Variants in GLRA2 observed in about 807,000 individuals in gnomAD.
GLRA2 encodes the protein glycine receptor subunit alpha-2.
A neutral mutation model predicts 31.6 loss-of-function variants in GLRA2; 11 were observed. The observed-to-expected ratio is 0.35, with a 90% CI of 0.22 to 0.58. The LOEUF is 0.58. Among genes scored for constraint, GLRA2 ranks in the 20% least tolerant of loss-of-function variants. GLRA2 has a pLI of 0.84. For synonymous variants in GLRA2, 132 were observed against 134.0 expected, an observed-to-expected ratio of 0.99 and a Z score of 0.10; for missense variants, 212 against 351.8, an observed-to-expected ratio of 0.60 and a Z score of 3.18.
At chrX:14,494,018 A>G in the GLRA2 span, among the ~76,000 whole-genome samples, 2 of 110,869 alleles carry the variant, frequency 1.8e-5, no homozygotes, top group Non-Finnish European at 1.9e-5. Flanking sequence ...CTGCAACTAC[A>G]CACAATAATA....
At chrX:14,558,189 T>C (rs1245407590) in intron 2 of GLRA2, among the ~76,000 whole-genome samples, 1 of 112,151 alleles carries the variant, frequency 8.9e-6, no homozygotes, top group Non-Finnish European at 1.9e-5. Flanking sequence ...CACAGGCATA[T>C]TTTTACAATC....
chrX:14,509,759 G>T, the GLRA2 span, among the ~76,000 whole-genome samples: 1 of 112,507 alleles, frequency 8.9e-6, no homozygotes, highest in Non-Finnish European at 1.9e-5. Context: ...TGGATTAGAT[G>T]CTATGAGAAG....
At chrX:14,453,825 T>C in the GLRA2 span, among the ~76,000 whole-genome samples, 4 of 111,987 alleles carry the variant, frequency 3.6e-5, no homozygotes, top group South Asian at 1.5e-3. Context: ...AAGTAAATTA[T>C]GGTACATCCA....
At chrX:14,673,849 A>T (rs2091117770) in intron 7 of GLRA2, among the ~76,000 whole-genome samples, 2 of 112,345 alleles carry the variant, frequency 1.8e-5, no homozygotes, top group African/African-American at 6.5e-5. Flanking sequence ...TTATCTTCAC[A>T]GTATGTCCAT....
At chrX:14,682,546 A>G (rs1162794939) in intron 7 of GLRA2, among the ~76,000 whole-genome samples, 1 of 110,998 alleles carries the variant, frequency 9.0e-6, no homozygotes, top group Non-Finnish European at 1.9e-5. Context: ...AAACTATTTT[A>G]AAATCTTTTT....
intron 8 of GLRA2, among the ~76,000 whole-genome samples, chrX:14,698,199 G>A (rs1474675808): frequency 9.0e-6 from 1 of 111,067 alleles, no homozygotes; most frequent in Non-Finnish European, 1.9e-5. Context: ...TATTAATAAT[G>A]ATATTTTCAA....
intron 7 of GLRA2, among the ~76,000 whole-genome samples, chrX:14,664,782 C>T (rs939837666): frequency 4.5e-5 from 5 of 112,008 alleles, no homozygotes; most frequent in African/African-American, 1.6e-4. Context: ...TAACTTTCTC[C>T]CATTTAGAAT....
At chrX:14,493,579 A>T in the GLRA2 span, among the ~76,000 whole-genome samples, 1 of 104,952 alleles carries the variant, frequency 9.5e-6, no homozygotes, top group Non-Finnish European at 1.9e-5. Context: ...ACATATATAC[A>T]TATATACACA....
At chrX:14,477,580 C>T in the GLRA2 span, among the ~76,000 whole-genome samples, 1 of 111,452 alleles carries the variant, frequency 9.0e-6, no homozygotes, top group African/African-American at 3.3e-5. Flanking sequence ...GGATACTTTG[C>T]ACCTCCAGTT....
chrX:14,493,538 T>C, the GLRA2 span, among the ~76,000 whole-genome samples: 2 of 105,627 alleles, frequency 1.9e-5, no homozygotes, highest in South Asian at 7.9e-4. Context: ...TATACACATA[T>C]ATATACTTAT....
chrX:14,463,429 T>C, the GLRA2 span, among the ~76,000 whole-genome samples: 65 of 111,656 alleles, frequency 5.8e-4, no homozygotes, highest in African/African-American at 2.0e-3. Flanking sequence ...GTCTGCTGCT[T>C]TTTGTTCAGA....
intron 7 of GLRA2, among the ~76,000 whole-genome samples, chrX:14,666,233 T>C (rs2091037457): frequency 8.9e-6 from 1 of 112,091 alleles, no homozygotes; most frequent in African/African-American, 3.2e-5. Context: ...AATTCAATTA[T>C]GCATTATAAA....
intron 7 of GLRA2, among the ~76,000 whole-genome samples, chrX:14,683,903 A>T (rs750267924): frequency 5.4e-5 from 6 of 110,707 alleles, no homozygotes; most frequent in African/African-American, 1.6e-4. Context: ...ATAATAATAA[A>T]AAAAAAAGCA....
chrX:14,527,781 T>C (rs1285331080), upstream of GLRA2, among the ~76,000 whole-genome samples: 1 of 111,768 alleles, frequency 8.9e-6, no homozygotes, highest in Non-Finnish European at 1.9e-5. Context: ...TAGAACCAAT[T>C]GAAGAAATAT....
chrX:14,588,075 T>G (rs1345517480), intron 4 of GLRA2, among the ~76,000 whole-genome samples: 1 of 110,189 alleles, frequency 9.1e-6, no homozygotes, highest in Non-Finnish European at 1.9e-5. Context: ...CCCAACTAAT[T>G]TTTGTAGTTT....
At chrX:14,715,184 A>AT (rs1258348902) in intron 8 of GLRA2, among the ~76,000 whole-genome samples, 1 of 112,255 alleles carries the variant, frequency 8.9e-6, no homozygotes, top group African/African-American at 3.2e-5. Flanking sequence ...TTTTCACACT[A>AT]TGTGGCTGCT....
At chrX:14,641,294 G>A (rs1185928893) in intron 7 of GLRA2, among the ~76,000 whole-genome samples, 2 of 111,533 alleles carry the variant, frequency 1.8e-5, no homozygotes, top group African/African-American at 6.5e-5. Context: ...TAATAAAACA[G>A]TCTAATTAAG....
chrX:14,639,798 G>A (rs1404352782), intron 7 of GLRA2, among the ~76,000 whole-genome samples: 1 of 112,068 alleles, frequency 8.9e-6, no homozygotes, highest in Non-Finnish European at 1.9e-5. Flanking sequence ...TGCCTTATTT[G>A]TTCTTTTTAC....
intron 4 of GLRA2, among the ~76,000 whole-genome samples, chrX:14,597,259 T>C (rs1454990491): frequency 7.1e-5 from 8 of 112,023 alleles, no homozygotes; most frequent in African/African-American, 2.6e-4. Flanking sequence ...TTCTAGGATG[T>C]TGGATGACAA....
Sources: gnomAD v4.1 joint callset for allele counts (sites outside exome capture counted in the v4.1 genomes callset) on GRCh38, gnomAD v4.1.1 for gene constraint, MANE v1.5 for transcripts, NCBI Gene and HGNC (gene_info 2026-07-23, HGNC 2026-07-21) for gene names.